The following TRIM21 variants were observed in gnomAD, a reference collection of about 807,000 sequenced individuals.
TRIM21 encodes tripartite motif containing 21.
TRIM21 carries 35 observed loss-of-function variants against 36.1 expected under a neutral mutation model. That is an observed-to-expected ratio of 0.97 (90% CI 0.74 to 1.28). The LOEUF is 1.28. Among genes scored for constraint, TRIM21 ranks in the 50% most tolerant of loss-of-function variants. The pLI is 0.00. For synonymous variants in TRIM21, 256 were observed against 211.5 expected (o/e 1.21, Z -1.83); for missense variants, 635 against 570.7 (o/e 1.11, Z -1.15).
chr11:4,387,098 C>A (rs923290538), intron 4 of TRIM21, 108 bp from the exon 5 acceptor site: 10 of 1,126,376 alleles, frequency 8.9e-6, no homozygotes, highest in Non-Finnish European at 1.3e-5. Flanking sequence ...CACTGTTCCT[C>A]TCCTTCCTCT....
Position 4,388,068 on chromosome 11 carries a change from G to T in TRIM21, c.735+232C>A, listed in dbSNP as rs548616470. ...CTACAGTGAGGCAAACATATCATTG[G>T]TGGATGCAAGATGATTCTAAGTGCA... On this transcript the variant is annotated intron_variant, in intron 4 of 6. Transcript: ENST00000254436. Among the ~76,000 whole-genome samples, 5 of 152,298 alleles carry T rather than the reference G, an allele frequency of 3.3e-5. No individual in the cohort carries two copies. The East Asian group carries it at 9.6e-4, about 29-fold the overall frequency.
rs2094958988 is a variant in TRIM21 at position 4,388,406 on chromosome 11, A to G, written c.629T>C (p.Ile210Thr). ...CAGCTTGGCCTCTTTCTCCCCCAGG[A>G]TTCTCAGCTGCTCCCTCTCATCCTT... Reference protein sequence around the residue: ...LEKDEREQLRILGEKEAKLAQ... With the variant: ...LEKDEREQLRTLGEKEAKLAQ... The change falls in exon 4 of 7, where the codon ATC becomes ACC. Residue 210 changes from isoleucine (I) to threonine (T), a missense_variant. Ile to Thr is a moderately conservative substitution (Grantham distance 89). Coordinates refer to ENST00000254436, the MANE Select transcript of TRIM21 (RefSeq NM_003141.4). 1.9e-6 allele frequency: 3 copies of G among 1,613,892 alleles called. No homozygotes were observed. The highest frequency in any genetic ancestry group is 2.5e-6 in the Non-Finnish European group (3 of 1,179,882).
At chr11:4,388,563 T>G in intron 3 of TRIM21, 33 bp from the exon 4 acceptor site, 1 of 1,593,850 alleles carries the variant, frequency 6.3e-7, no homozygotes, top group Non-Finnish European at 8.5e-7. Flanking sequence ...GAGGTGGTTT[T>G]TATGAAAATC....
chr11:4,389,844 TG>T, intron 2 of TRIM21, 95 bp from the exon 3 acceptor site: 1 of 1,493,750 alleles, frequency 6.7e-7, no homozygotes. Flanking sequence ...CTCCTACGCC[TG>T]GGGAATGAGG....
chr11:4,388,506 TA>T lies in TRIM21; in HGVS notation c.528del (p.Arg177GlyfsTer32). The T allele has an allele frequency of 6.2e-7, 1 of 1,610,438 alleles. No homozygotes were observed. Among genetic ancestry groups the T allele is most frequent in the Non-Finnish European group, 8.5e-7 (1 of 1,179,862 alleles). ...TGCTGCACAAACTCTGCGTGAATCC[TA>T]GATTTCTGTGTTTCCACTGTTTTCT... is the stretch of plus-strand genomic sequence containing the variant. ...DWKKTVETQK[S>X]RIHAEFVQQK... is the part of the protein sequence containing the mutation. On this transcript the variant is annotated frameshift_variant, in exon 4 of 7. Coordinates refer to ENST00000254436, the MANE Select transcript of TRIM21 (RefSeq NM_003141.4). LOFTEE classifies it high-confidence loss of function.
At position 4,390,022 on chromosome 11, in the gene TRIM21, C is replaced by T; in HGVS notation, c.388G>A (p.Glu130Lys). Reference sequence around the variant, plus strand: ...CTCACCTGGTACTCCTGTGCAGCCTCCTCAAGAGGGACCATGGCGTGGTCA... The same window carrying T: ...CTCACCTGGTACTCCTGTGCAGCCTTCTCAAGAGGGACCATGGCGTGGTCA... The part of the protein sequence containing the change: ...HRDHAMVPLE[E>K]AAQEYQEKLQ... The change falls in exon 2 of 7, where the codon GAG (glutamate) becomes AAG (lysine). Residue 130 changes from glutamate to lysine, a missense_variant. Glu to Lys is a moderately conservative substitution (Grantham distance 56, BLOSUM62 1). Transcript: ENST00000254436. The T allele has an allele frequency of 6.2e-7, 1 of 1,613,962 alleles. No homozygotes were observed. Among genetic ancestry groups the T allele is most frequent in the Non-Finnish European group, 8.5e-7 (1 of 1,179,876 alleles).
Position 4,385,598 on chromosome 11 carries a change from C to T in TRIM21, c.1115G>A (p.Ser372Asn), listed in dbSNP as rs1267374612. The T allele has an allele frequency of 7.4e-6, 12 of 1,612,944 alleles. No homozygotes were observed. Among genetic ancestry groups the T allele is most frequent in the Non-Finnish European group, 1.0e-5 (12 of 1,179,548 alleles). Residue 372 changes from serine (S) to asparagine (N), a missense_variant, in exon 7 of 7, where the codon AGT becomes AAT. Physicochemically the swap from Ser to Asn is conservative, Grantham distance 46. Coordinates refer to ENST00000254436, the MANE Select transcript of TRIM21 (RefSeq NM_003141.4). ...SVRRKGHFLLSSKSGFWTIWL... is the reference protein window; with the variant it reads ...SVRRKGHFLLNSKSGFWTIWL... ...AATTGTCCAGAAGCCACTCTTGGAA[C>T]TAAGCAAAAAGTGCCCCTTCCTGCG...
rs534828555 is a variant in TRIM21, at chr11:4,385,174, C to T, written c.*111G>A. ...CTGCTAAAGCTCGCTTGCTGGGATC[C>T]GGATGCCTCTGCAGAGACAAAGGTG... On this transcript the variant is annotated 3_prime_UTR_variant, in exon 7 of 7. Coordinates refer to ENST00000254436, the MANE Select transcript of TRIM21 (RefSeq NM_003141.4). The T allele has an allele frequency of 1.3e-4, 133 of 1,054,698 alleles. No homozygotes were observed. The highest frequency in any genetic ancestry group is 1.1e-3 in the East Asian group (43 of 38,158). 65.3% of individuals were successfully genotyped at this position (1,054,698 alleles called of 1,614,324 possible). A position where few individuals can be genotyped will look rare whatever the true frequency, so the allele number is the denominator to read the frequency against.
Position 4,385,715 on chromosome 11 carries a change from C to T in TRIM21, c.998G>A (p.Gly333Asp). 1.2e-6 allele frequency: 2 copies of T among 1,613,230 alleles called. No homozygotes were observed. Among genetic ancestry groups the T allele is most frequent in the Non-Finnish European group, 8.5e-7 (1 of 1,179,612 alleles). The change falls in exon 7 of 7, where the codon GGT becomes GAT. Residue 333 changes from glycine (G) to aspartate (D), a missense_variant. Coordinates refer to ENST00000254436, the MANE Select transcript of TRIM21 (RefSeq NM_003141.4). ...ERFDSYPMVL[G>D]AQHFHSGKHY... ...TTTTCCAGAGTGAAAGTGCTGGGCA[C>T]CCAGGACCATAGGATAACTATCAAA...
intron 3 of TRIM21, 93 bp downstream of exon 3, chr11:4,389,559 CAG>C: frequency 9.4e-7 from 1 of 1,064,454 alleles, no homozygotes. Flanking sequence ...TATCACTGCT[CAG>C]AGAGGCACAG....
chr11:4,391,914 G>A (rs1226022792), intron 1 of TRIM21, among the ~76,000 whole-genome samples: 1 of 152,064 alleles, frequency 6.6e-6, no homozygotes, highest in Non-Finnish European at 1.5e-5. Flanking sequence ...TAGAAAGATG[G>A]TTACCAGAGG....
rs1370105695 is a variant in TRIM21 at position 4,390,157 on chromosome 11, C to T, written c.253G>A (p.Glu85Lys). ...GCACACCGTTCCCCCTGTGTGCCCTCTCTGGCCTCCTGGCTGATTTCTTTA... is the reference window on the plus strand; with the variant it reads ...GCACACCGTTCCCCCTGTGTGCCCTTTCTGGCCTCCTGGCTGATTTCTTTA... The part of the protein sequence containing the change: ...NLKEISQEAR[E>K]GTQGERCAVH... Residue 85 changes from glutamate (E) to lysine (K), a missense_variant, in exon 2 of 7, where the codon GAG (glutamate) becomes AAG (lysine). Coordinates refer to ENST00000254436, the MANE Select transcript of TRIM21 (RefSeq NM_003141.4). 3 of 1,614,058 alleles carry T rather than the reference C, an allele frequency of 1.9e-6. No individual in the cohort carries two copies. Among genetic ancestry groups the T allele is most frequent in the Non-Finnish European group, 2.5e-6 (3 of 1,179,894 alleles).
chr11:4,389,888 A>T (rs2094960698), intron 2 of TRIM21, 114 bp downstream of exon 2: 1 of 1,489,600 alleles, frequency 6.7e-7, no homozygotes, highest in Admixed American at 1.8e-5. Flanking sequence ...CTCCTACATT[A>T]GACATGGAGA....
Position 4,385,291 on chromosome 11 carries a change from G to A in TRIM21, c.1422C>T (p.Asp474=). Residue 474 remains aspartate, a synonymous_variant, in exon 7 of 7, where the codon GAC becomes GAT. Coordinates refer to ENST00000254436, the MANE Select transcript of TRIM21 (RefSeq NM_003141.4). ...CAGTGTCCAGAGAAAGCCATCAATA[G>A]TCAGTGGATCCTTGTGATCCAATAT... ...PLNIGSQGST[D]Y is the part of the protein sequence containing the mutation. The A allele has an allele frequency of 6.2e-7, 1 of 1,610,324 alleles. No individual in the cohort carries two copies. Among genetic ancestry groups the A allele is most frequent in the Non-Finnish European group, 8.5e-7 (1 of 1,178,470 alleles).
intron 1 of TRIM21, among the ~76,000 whole-genome samples, chr11:4,391,726 A>G (rs150873198): frequency 1.3e-5 from 2 of 152,352 alleles, no homozygotes; most frequent in African/African-American, 4.8e-5. Flanking sequence ...TGTATACACA[A>G]TGGAGTACTG....
rs1487238844 is a variant in TRIM21, at chr11:4,388,415, T to A, written c.620A>T (p.Gln207Leu). 6.2e-7 allele frequency: 1 copy of A among 1,613,964 alleles called. No homozygotes were observed. The highest frequency in any genetic ancestry group is 2.2e-5 in the East Asian group (1 of 44,868). ...CTCTTTCTCCCCCAGGATTCTCAGC[T>A]GCTCCCTCTCATCCTTCTCCAGCTC... Reference protein sequence around the residue: ...LQELEKDEREQLRILGEKEAK... With the variant: ...LQELEKDERELLRILGEKEAK... The change falls in exon 4 of 7, where the codon CAG (glutamine) becomes CTG (leucine). Residue 207 changes from glutamine to leucine, a missense_variant. Coordinates refer to ENST00000254436, the MANE Select transcript of TRIM21 (RefSeq NM_003141.4).
chr11:4,387,125 G>A, intron 4 of TRIM21, 135 bp from the exon 5 acceptor site: 1 of 866,208 alleles, frequency 1.2e-6, no homozygotes, highest in Non-Finnish European at 1.8e-6. Context: ...AGGCCCCAGA[G>A]ATGATTCTGA....
chr11:4,389,711 C>T lies in TRIM21; in HGVS notation c.447G>A (p.Lys149=), dbSNP rs781137856. 2 of 1,614,000 alleles carry T rather than the reference C, an allele frequency of 1.2e-6. No individual in the cohort carries two copies. The highest frequency in any genetic ancestry group is 1.7e-5 in the Admixed American group (1 of 60,024). The part of the protein sequence containing the change: ...LQVALGELRR[K]QELAEKLEVE... Reference sequence around the variant, plus strand: ...CTTCCAACTTCTCAGCCAACTCCTGCTTTCTTCTCAGTTCCCCTAATGCCA... The same window carrying T: ...CTTCCAACTTCTCAGCCAACTCCTGTTTTCTTCTCAGTTCCCCTAATGCCA... Residue 149 remains lysine, a synonymous_variant, in exon 3 of 7, where the codon AAG becomes AAA. Transcript: ENST00000254436.
chr11:4,392,923 C>T (rs1282699616), intron 1 of TRIM21, among the ~76,000 whole-genome samples: 1 of 152,096 alleles, frequency 6.6e-6, no homozygotes, highest in Non-Finnish European at 1.5e-5. Context: ...TTCCATGTGC[C>T]AGAGATACTT....
Sources: allele counts gnomAD v4.1 joint callset (sites outside exome capture counted in the v4.1 genomes callset), GRCh38; gene constraint gnomAD v4.1.1; transcripts MANE v1.5; gene names NCBI Gene and HGNC (gene_info 2026-07-23, HGNC 2026-07-21).